Variants in NMRAL1 observed in about 807,000 individuals in gnomAD.
NMRAL1 encodes NmrA like redox sensor 1.
NMRAL1 carries 32 observed loss-of-function variants against 27.5 expected under a neutral mutation model. That is an observed-to-expected ratio of 1.16 (90% CI 0.88 to 1.56). The LOEUF (loss-of-function observed/expected upper bound fraction) is 1.56. Ranked by LOEUF, NMRAL1 falls within the 40% of genes most tolerant of loss-of-function variation. The pLI is 0.00. For synonymous variants in NMRAL1, 166 were observed against 166.8 expected (o/e 1.00, Z 0.04); for missense variants, 420 against 392.0 (o/e 1.07, Z -0.60).
At chr16:4,472,056 CAG>C (rs2057585953) in intron 2 of NMRAL1, among the ~76,000 whole-genome samples, 1 of 151,966 alleles carries the variant, frequency 6.6e-6, no homozygotes, top group Admixed American at 6.6e-5. Flanking sequence ...GCCTGGGCAA[CAG>C]AGCAAGACCC....
rs2057758891 is a variant in NMRAL1 at position 4,474,590 on chromosome 16, G to T, written c.-71C>A. 6.4e-6 allele frequency: 1 copy of T among 157,438 alleles called. No homozygotes were observed. Among genetic ancestry groups the T allele is most frequent in the Non-Finnish European group, 1.4e-5 (1 of 71,084 alleles). 9.8% of individuals were successfully genotyped at this position (157,438 alleles called of 1,614,324 possible). A position where few individuals can be genotyped will look rare whatever the true frequency, so the allele number is the denominator to read the frequency against. ...CCGCTCACGGAAGCCCAGCGTCGGAGGACCCCTGGCTGCAGCCGCCAATCC... is the reference window on the plus strand; with the variant it reads ...CCGCTCACGGAAGCCCAGCGTCGGATGACCCCTGGCTGCAGCCGCCAATCC... On this transcript the variant is annotated 5_prime_UTR_variant, in exon 1 of 6. Coordinates refer to ENST00000283429, the MANE Select transcript of NMRAL1 (RefSeq NM_020677.6).
At chr16:4,464,098 T>A in intron 4 of NMRAL1, 1 of 530,366 alleles carries the variant, frequency 1.9e-6, no homozygotes, top group Admixed American at 3.9e-5. Context: ...TGAGCCTGGG[T>A]TGCTGCATTC....
At chr16:4,469,584 C>A in intron 2 of NMRAL1, 119 bp from the exon 3 acceptor site, 1 of 1,529,278 alleles carries the variant, frequency 6.5e-7, no homozygotes, top group Admixed American at 2.2e-5. Flanking sequence ...TTCTCAACGA[C>A]GATTCTCATT....
rs199727554 is a variant in NMRAL1, at chr16:4,469,222, C to G, written c.279+5G>C. 5.3e-5 allele frequency: 86 copies of G among 1,608,650 alleles called. 1 individual carries two copies. In the East Asian group the frequency reaches 1.6e-3, roughly 30 times the overall value. Reference sequence around the variant, plus strand: ...GGCCTCCCTGCAGCTCCTGCCTGCCCTCACCTGCTTGACCTCCTGCTCCTG... The same window carrying G: ...GGCCTCCCTGCAGCTCCTGCCTGCCGTCACCTGCTTGACCTCCTGCTCCTG... On this transcript the variant is annotated splice_donor_5th_base_variant and intron_variant, in intron 3 of 5. Coordinates refer to ENST00000283429, the MANE Select transcript of NMRAL1 (RefSeq NM_020677.6).
At position 4,469,346 on chromosome 16, in the gene NMRAL1, C is replaced by T. The variant is rs1177781107; in HGVS notation, c.160G>A (p.Val54Ile). 2 of 1,614,142 alleles carry T rather than the reference C, an allele frequency of 1.2e-6. No homozygotes were observed. The highest frequency in any genetic ancestry group is 1.3e-5 in the African/African-American group (1 of 75,070). ...TGGTCATCTTGGTCTCCCTGCACTA[C>T]TTCTGCACCTTGCAGCCTCAGCTCC... ...AKELRLQGAE[V>I]VQGDQDDQVI... The change falls in exon 3 of 6, where the codon GTA (valine) becomes ATA (isoleucine). Residue 54 changes from valine to isoleucine, a missense_variant. Val to Ile is a conservative substitution (Grantham distance 29). Coordinates refer to ENST00000283429, the MANE Select transcript of NMRAL1 (RefSeq NM_020677.6).
Position 4,469,331 on chromosome 16 carries a change from G to A in NMRAL1, c.175C>T (p.Gln59Ter). 6.2e-7 allele frequency: 1 copy of A among 1,614,078 alleles called. No individual in the cohort carries two copies. The highest frequency in any genetic ancestry group is 8.5e-7 in the Non-Finnish European group (1 of 1,179,926). ...LQGAEVVQGD[Q>*]DDQVIMELAL... ...AGCTCCATGATGACCTGGTCATCTT[G>A]GTCTCCCTGCACTACTTCTGCACCT... The change falls in exon 3 of 6, where the codon CAA (glutamine) becomes TAA (stop). Residue 59 changes from glutamine (Q) to a stop codon, truncating the protein, a stop_gained. Coordinates refer to ENST00000283429, the MANE Select transcript of NMRAL1 (RefSeq NM_020677.6). LOFTEE classifies it high-confidence loss of function.
Position 4,474,621 on chromosome 16 carries a change from T to G in NMRAL1, c.-102A>C, listed in dbSNP as rs1416373779. 2 of 154,908 alleles carry G rather than the reference T, an allele frequency of 1.3e-5. No individual in the cohort carries two copies. Among genetic ancestry groups the G allele is most frequent in the African/African-American group, 4.8e-5 (2 of 41,510 alleles). The allele number at this position is 154,908 out of a possible 1,614,324, so 9.6% of individuals were successfully genotyped here. The stretch of plus-strand genomic sequence containing the variant: ...CTGGCTGCAGCCGCCAATCCCGACG[T>G]GTCGGCCGAAACCCCTCCTCCGGCG... On this transcript the variant is annotated 5_prime_UTR_variant, in exon 1 of 6. Transcript: ENST00000283429.
chr16:4,473,144 T>G (rs1439252615), intron 2 of NMRAL1, among the ~76,000 whole-genome samples: 1 of 151,942 alleles, frequency 6.6e-6, no homozygotes, highest in Non-Finnish European at 1.5e-5. Flanking sequence ...ATTTTTGTAT[T>G]TTTTTGTAGA....
rs1376297094 is a variant in NMRAL1, at chr16:4,463,379, C to A, written c.720+281G>T. Reference sequence around the variant, plus strand: ...TCTTTTCTCTTCAAATTCCCTCCCACAGAGGAGCCCGGCAGGGCCTGCATT... The same window carrying A: ...TCTTTTCTCTTCAAATTCCCTCCCAAAGAGGAGCCCGGCAGGGCCTGCATT... On this transcript the variant is annotated intron_variant, in intron 5 of 5. Coordinates refer to ENST00000283429, the MANE Select transcript of NMRAL1 (RefSeq NM_020677.6). 3 of 504,800 alleles carry A rather than the reference C, an allele frequency of 5.9e-6. No homozygotes were observed. In the African/African-American group the frequency reaches 6.1e-5, roughly 10 times the overall value. 31.3% of individuals were successfully genotyped at this position (504,800 alleles called of 1,614,324 possible).
intron 3 of NMRAL1, 129 bp from the exon 4 acceptor site, chr16:4,466,531 G>A (rs2057336603): frequency 1.2e-6 from 1 of 819,634 alleles, no homozygotes; most frequent in African/African-American, 1.7e-5. Flanking sequence ...ACTTACCCTT[G>A]AGGAGGCCCC....
chr16:4,470,161 C>CAA (rs34104543), intron 2 of NMRAL1, among the ~76,000 whole-genome samples: 248 of 50,470 alleles, frequency 4.9e-3, no homozygotes, highest in East Asian at 7.7e-3. Context: ...GATTCCCTCT[C>CAA]AAAAAAAAAA....
intron 3 of NMRAL1, among the ~76,000 whole-genome samples, chr16:4,468,271 C>CA (rs2057407033): frequency 6.6e-6 from 1 of 151,994 alleles, no homozygotes; most frequent in South Asian, 2.1e-4. Context: ...CATTGCATGC[C>CA]AGCCTGGGCA....
At chr16:4,469,158 T>G (rs1008243947) in intron 3 of NMRAL1, 69 bp downstream of exon 3, 1 of 995,384 alleles carries the variant, frequency 1.0e-6, no homozygotes, top group Admixed American at 1.7e-5. Context: ...CCCTGCAGAG[T>G]CGGAGCTCCT....
chr16:4,462,485 G>A (rs1248923537), intron 5 of NMRAL1, among the ~76,000 whole-genome samples: 4 of 151,932 alleles, frequency 2.6e-5, no homozygotes, highest in Non-Finnish European at 5.9e-5. Context: ...TCTCAAAAAT[G>A]AATAAATAAA....
chr16:4,474,339 C>G (rs1318155237), intron 1 of NMRAL1, 173 bp from the exon 2 acceptor site: 2 of 534,286 alleles, frequency 3.7e-6, no homozygotes, highest in Admixed American at 3.3e-5. Context: ...CCTCGTGTCC[C>G]TTGGGCCCGA....
chr16:4,463,655 C>T lies in NMRAL1; in HGVS notation c.720+5G>A. On this transcript the variant is annotated splice_donor_5th_base_variant and intron_variant, in intron 5 of 5. Coordinates refer to ENST00000283429, the MANE Select transcript of NMRAL1 (RefSeq NM_020677.6). ...TGCCTGAGTCACCTGGGGCGGGAGG[C>T]CCACCTTGGCATCGTGCACGACCTT... 3 of 1,612,268 alleles carry T rather than the reference C, an allele frequency of 1.9e-6. No individual in the cohort carries two copies. Among genetic ancestry groups the T allele is most frequent in the Non-Finnish European group, 8.5e-7 (1 of 1,179,836 alleles).
intron 4 of NMRAL1, 163 bp from the exon 5 acceptor site, chr16:4,464,013 GGCA>G: frequency 1.7e-6 from 1 of 571,986 alleles, no homozygotes; most frequent in Non-Finnish European, 3.0e-6. Flanking sequence ...GTAGCACAGA[GGCA>G]GCAGTGGAAT....
chr16:4,463,119 T>C (rs1044136606), intron 5 of NMRAL1, among the ~76,000 whole-genome samples: 17 of 152,164 alleles, frequency 1.1e-4, no homozygotes, highest in Admixed American at 1.1e-3. Flanking sequence ...CCTCCCAAAG[T>C]GCTGGGATTA....
intron 2 of NMRAL1, among the ~76,000 whole-genome samples, 181 bp downstream of exon 2, chr16:4,473,912 C>G (rs1424655718): frequency 6.6e-6 from 1 of 150,882 alleles, no homozygotes; most frequent in Non-Finnish European, 1.5e-5. Flanking sequence ...GGTGACAGAG[C>G]AAAACTCCGT....
Sources: allele counts gnomAD v4.1 joint callset (sites outside exome capture counted in the v4.1 genomes callset), GRCh38; gene constraint gnomAD v4.1.1; transcripts MANE v1.5; gene names NCBI Gene and HGNC (gene_info 2026-07-23, HGNC 2026-07-21).